FAM184B: variants seen among roughly 807,000 people sequenced by gnomAD.
The protein encoded by FAM184B is protein FAM184B.
In FAM184B, 111 loss-of-function variants were observed where a neutral mutation model predicts 135.9. That is an observed-to-expected ratio of 0.82 (90% CI 0.70 to 0.96). The LOEUF is 0.96. Ranked by LOEUF, FAM184B falls within the 40% of genes least tolerant of loss-of-function variation. FAM184B has a pLI of 0.00. For synonymous variants in FAM184B, 552 were observed against 524.8 expected (o/e 1.05, Z -0.71); for missense variants, 1,375 against 1,323.9 (o/e 1.04, Z -0.60).
At chr4:17,663,047 G>C (rs975768580) in intron 8 of FAM184B, among the ~76,000 whole-genome samples, 1 of 152,042 alleles carries the variant, frequency 6.6e-6, no homozygotes, top group African/African-American at 2.4e-5. Context: ...GCAATCCTCC[G>C]ACCTCAGCCT....
chr4:17,704,995 C>T lies in FAM184B; in HGVS notation c.1377+5G>A, dbSNP rs753665897. 6.4e-7 allele frequency: 1 copy of T among 1,551,160 alleles called. No individual in the cohort carries two copies. Among genetic ancestry groups the T allele is most frequent in the Admixed American group, 2.0e-5 (1 of 50,902 alleles). ...CAGAACAGTCTCTATGGAAGTAGGT[C>T]TCACCCTCTGCAGTTTCTTTCTTTC... is the stretch of plus-strand genomic sequence containing the variant. On this transcript the variant is annotated splice_donor_5th_base_variant and intron_variant, in intron 5 of 17. Coordinates refer to ENST00000265018, the MANE Select transcript of FAM184B (RefSeq NM_015688.2).
intron 7 of FAM184B, among the ~76,000 whole-genome samples, chr4:17,685,509 A>G (rs1010632593): frequency 7.1e-6 from 1 of 140,560 alleles, no homozygotes; most frequent in Non-Finnish European, 1.5e-5. Context: ...AGATCATGCC[A>G]TTGCACTCCA....
intron 12 of FAM184B, among the ~76,000 whole-genome samples, chr4:17,645,714 A>G (rs1715447552): frequency 1.3e-5 from 2 of 152,126 alleles, no homozygotes; most frequent in South Asian, 4.1e-4. Flanking sequence ...AACAAAAGCC[A>G]AAATTGACAA....
At position 17,666,469 on chromosome 4, in the gene FAM184B, CTTTTTTTTTT is replaced by C. The variant is rs386399397; in HGVS notation, c.1597-1820_1597-1811del. On this transcript the variant is annotated intron_variant, in intron 7 of 17. Coordinates refer to ENST00000265018, the MANE Select transcript of FAM184B (RefSeq NM_015688.2). ...CAGGTGCATGCCACTGTGCCTGGTT[CTTTTTTTTTT>C]TTTTTTTTTTTTTTTGGTATTTTTA... Among the ~76,000 whole-genome samples, 5 of 57,164 alleles carry C rather than the reference CTTTTTTTTTT, an allele frequency of 8.7e-5. 1 individual carries two copies. The highest frequency in any genetic ancestry group is 1.1e-3 in the South Asian group (1 of 922). 37.5% of individuals were successfully genotyped at this position (57,164 alleles called of 152,430 possible). A position where few individuals can be genotyped will look rare whatever the true frequency, so the allele number is the denominator to read the frequency against.
chr4:17,649,885 C>CCATCCATCCATCCACCT (rs1715565053), intron 11 of FAM184B, among the ~76,000 whole-genome samples: 1 of 150,786 alleles, frequency 6.6e-6, no homozygotes, highest in African/African-American at 2.5e-5. Flanking sequence ...TCCATCCACC[C>CCATCCATCCATCCACCT]ATCTATCTGT....
intron 6 of FAM184B, among the ~76,000 whole-genome samples, chr4:17,690,300 C>T (rs1010572720): frequency 4.6e-5 from 7 of 151,912 alleles, no homozygotes; most frequent in South Asian, 2.1e-4. Flanking sequence ...TGGTAGAGGG[C>T]GGGTGGGGTA....
At chr4:17,736,835 G>C (rs575067274) in intron 1 of FAM184B, among the ~76,000 whole-genome samples, 1 of 152,302 alleles carries the variant, frequency 6.6e-6, no homozygotes, top group South Asian at 2.1e-4. Flanking sequence ...ACTCATGGAT[G>C]GTTCAATTAT....
chr4:17,634,237 A>T (rs1391242418), intron 16 of FAM184B: 2 of 185,318 alleles, frequency 1.1e-5, no homozygotes, highest in Non-Finnish European at 2.2e-5. Context: ...TGAAACTTGT[A>T]TTTTGTCACA....
intron 7 of FAM184B, among the ~76,000 whole-genome samples, chr4:17,685,969 T>A (rs1301886462): frequency 6.6e-6 from 1 of 152,198 alleles, no homozygotes; most frequent in East Asian, 1.9e-4. Flanking sequence ...CAGCCTGCTC[T>A]ACAATCTTCC....
intron 1 of FAM184B, among the ~76,000 whole-genome samples, chr4:17,739,565 T>G (rs996282387): frequency 7.8e-6 from 1 of 127,806 alleles, no homozygotes; most frequent in African/African-American, 3.0e-5. Context: ...GTTTTTTTTT[T>G]TTTTTTGAGA....
rs1273595185 is a variant in FAM184B, at chr4:17,759,282, T to G, written c.141+21877A>C. 1.3e-5 allele frequency among the ~76,000 whole-genome samples: 2 copies of G among 152,122 alleles called. 1 individual carries two copies. Among genetic ancestry groups the G allele is most frequent in the South Asian group, 4.1e-4 (2 of 4,822 alleles). ...TGATAGTGAGTGAGTTCTCATGAGA[T>G]CTGGATGTTTAAAAGTGTGTAGCCC... is the stretch of plus-strand genomic sequence containing the variant. On this transcript the variant is annotated intron_variant, in intron 1 of 17. Coordinates refer to ENST00000265018, the MANE Select transcript of FAM184B (RefSeq NM_015688.2).
At chr4:17,668,406 C>A (rs1227057830) in intron 7 of FAM184B, among the ~76,000 whole-genome samples, 4 of 152,244 alleles carry the variant, frequency 2.6e-5, no homozygotes, top group Non-Finnish European at 5.9e-5. Context: ...ACTTATTCTT[C>A]AAGGCCCTAT....
chr4:17,744,657 T>C (rs1018466496), intron 1 of FAM184B, among the ~76,000 whole-genome samples: 1 of 151,622 alleles, frequency 6.6e-6, no homozygotes, highest in Non-Finnish European at 1.5e-5. Flanking sequence ...GAGGCAGAAG[T>C]TGCAGTGAGC....
chr4:17,735,511 A>T (rs543827142), intron 1 of FAM184B, among the ~76,000 whole-genome samples: 5 of 152,120 alleles, frequency 3.3e-5, no homozygotes, highest in African/African-American at 9.7e-5. Flanking sequence ...AGCTTTTTCT[A>T]TGTCCAATAT....
At chr4:17,673,374 A>G (rs1030202006) in intron 7 of FAM184B, among the ~76,000 whole-genome samples, 2 of 152,204 alleles carry the variant, frequency 1.3e-5, no homozygotes, top group Non-Finnish European at 2.9e-5. Context: ...TAAGGAACTA[A>G]AACTAGGAAC....
In FAM184B at chr4:17,662,820, T is replaced by C. The variant is rs1715950338; in HGVS notation, c.1694+1742A>G. ...TAACATTTTGTGTTGTCAGACTTCT[T>C]AATTTTAGCCATTCCAGTGGGTGGG... On this transcript the variant is annotated intron_variant, in intron 8 of 17. Transcript: ENST00000265018. Among the ~76,000 whole-genome samples, 4 of 152,280 alleles carry C rather than the reference T, an allele frequency of 2.6e-5. 1 individual carries two copies. The highest frequency in any genetic ancestry group is 2.1e-4 in the South Asian group (1 of 4,834).
intron 7 of FAM184B, among the ~76,000 whole-genome samples, chr4:17,664,945 A>G (rs570276470): frequency 6.6e-6 from 1 of 152,256 alleles, no homozygotes; most frequent in East Asian, 1.9e-4. Flanking sequence ...TAAAGAGGGG[A>G]AGTAACCTGG....
rs189191825 is a variant in FAM184B at position 17,756,981 on chromosome 4, G to C, written c.141+24178C>G. On this transcript the variant is annotated intron_variant, in intron 1 of 17. Coordinates refer to ENST00000265018, the MANE Select transcript of FAM184B (RefSeq NM_015688.2). ...GGAAGTCATTATTTTGCAACCTCTA[G>C]TGAAATGATGGTCAGCAGTCTTTCC... 6.4e-4 allele frequency among the ~76,000 whole-genome samples: 97 copies of C among 152,256 alleles called. No homozygotes were observed. In the East Asian group the frequency reaches 0.015, roughly 23 times the overall value.
chr4:17,751,823 G>GCACGCACACACACA (rs1553842768), intron 1 of FAM184B, among the ~76,000 whole-genome samples: 2 of 115,834 alleles, frequency 1.7e-5, no homozygotes, highest in African/African-American at 3.2e-5. Flanking sequence ...TAAAAACAAG[G>GCACGCACACACACA]CACACACACA....
Sources: allele counts gnomAD v4.1 joint callset (sites outside exome capture counted in the v4.1 genomes callset), GRCh38; gene constraint gnomAD v4.1.1; transcripts MANE v1.5; gene names NCBI Gene and HGNC (gene_info 2026-07-23, HGNC 2026-07-21).